The following TAFA2 variants were observed in gnomAD, a reference collection of about 807,000 sequenced individuals.
The protein encoded by TAFA2 is chemokine-like protein TAFA-2.
TAFA2 carries 7 observed loss-of-function variants against 18.8 expected under a neutral mutation model. That is an observed-to-expected ratio of 0.37 (90% CI 0.21 to 0.70). The LOEUF is 0.70. TAFA2 is among the 30% of genes least tolerant of loss of function. TAFA2 has a pLI of 0.53. For synonymous variants in TAFA2, 60 were observed against 54.2 expected (o/e 1.11, Z -0.47); for missense variants, 122 against 158.1 (o/e 0.77, Z 1.23).
At chr12:61,836,239 T>C (rs2061206) in intron 2 of TAFA2, among the ~76,000 whole-genome samples, 15,507 of 151,958 alleles carry the variant, frequency 0.1, 1,078 homozygotes, top group East Asian at 0.19. Context: ...TGTGAAATGC[T>C]TGAGTAAGAG....
At chr12:62,059,060 G>C (rs1161879108) in intron 1 of TAFA2, among the ~76,000 whole-genome samples, 3 of 151,690 alleles carry the variant, frequency 2.0e-5, no homozygotes, top group Non-Finnish European at 2.9e-5. Context: ...CCGAGATCAC[G>C]GCACTGCACT....
intron 2 of TAFA2, among the ~76,000 whole-genome samples, chr12:61,848,846 T>C (rs1592432208): frequency 6.6e-6 from 1 of 150,600 alleles, no homozygotes; most frequent in Admixed American, 6.6e-5. Context: ...TTATGGTAGG[T>C]ACTTTTTTTT....
chr12:61,894,737 TA>T, intron 1 of TAFA2, among the ~76,000 whole-genome samples: 1 of 152,338 alleles, frequency 6.6e-6, no homozygotes, highest in South Asian at 2.1e-4. Context: ...ATGGTTCTTG[TA>T]ATTTTCAACT....
chr12:62,224,162 C>T (rs2062776204), intron 1 of TAFA2, among the ~76,000 whole-genome samples: 1 of 151,808 alleles, frequency 6.6e-6, no homozygotes, highest in South Asian at 2.1e-4. Context: ...GAAATTCTGA[C>T]ACATGCTAAA....
chr12:62,141,549 TTTTGAC>T (rs1238270061), intron 1 of TAFA2, among the ~76,000 whole-genome samples: 20 of 152,208 alleles, frequency 1.3e-4, no homozygotes, highest in African/African-American at 4.6e-4. Context: ...TTGCCTGACA[TTTTGAC>T]TGCTATTTCA....
intron 1 of TAFA2, among the ~76,000 whole-genome samples, chr12:61,902,749 A>C (rs555026560): frequency 2.0e-4 from 31 of 152,272 alleles, no homozygotes; most frequent in African/African-American, 7.0e-4. Context: ...CCAAACCTGC[A>C]CATTCAATTG....
intron 4 of TAFA2, among the ~76,000 whole-genome samples, chr12:61,733,069 T>C (rs991834793): frequency 1.3e-5 from 2 of 152,004 alleles, no homozygotes; most frequent in Non-Finnish European, 2.9e-5. Flanking sequence ...AAGAAAGAAA[T>C]AGATAAAAAT....
intron 1 of TAFA2, among the ~76,000 whole-genome samples, chr12:61,929,590 G>A (rs148071428): frequency 0.08 from 12,029 of 149,808 alleles, 548 homozygotes; most frequent in East Asian, 0.22. Flanking sequence ...TGTGGAAGTC[G>A]ATGTGGCGAT....
chr12:62,019,120 A>G (rs943151374), intron 1 of TAFA2, among the ~76,000 whole-genome samples: 2 of 152,206 alleles, frequency 1.3e-5, no homozygotes, highest in Non-Finnish European at 2.9e-5. Context: ...CAAAACCACA[A>G]TGAGATACCA....
At chr12:61,785,042 G>T (rs1396999047) in intron 2 of TAFA2, among the ~76,000 whole-genome samples, 1 of 151,434 alleles carries the variant, frequency 6.6e-6, no homozygotes, top group Non-Finnish European at 1.5e-5. Flanking sequence ...CAATGCTGTA[G>T]AACATTAGAA....
intron 1 of TAFA2, among the ~76,000 whole-genome samples, chr12:62,100,138 TACACACACACAC>T (rs373455310): frequency 4.8e-5 from 7 of 145,672 alleles, no homozygotes; most frequent in South Asian, 2.2e-4. Flanking sequence ...CAACTCCCTC[TACACACACACAC>T]ACACACACAC....
At position 61,970,153 on chromosome 12, in the gene TAFA2, GTTAT is replaced by G. The variant is rs373187350; in HGVS notation, c.-1-102731_-1-102728del. ...TATATAAATTGAATAAAATATTCTT[GTTAT>G]TTATTCCTGACACTAAGAGCAAAAA... On this transcript the variant is annotated intron_variant, in intron 1 of 4. Transcript: ENST00000416284. 5.0e-4 allele frequency among the ~76,000 whole-genome samples: 75 copies of G among 151,442 alleles called. 1 individual carries two copies. The East Asian group carries it at 0.013, about 27-fold the overall frequency.
intron 2 of TAFA2, among the ~76,000 whole-genome samples, chr12:61,821,130 C>CACAT (rs1555168027): frequency 2.4e-5 from 1 of 41,694 alleles, no homozygotes; most frequent in African/African-American, 6.6e-5. Flanking sequence ...GATAGGGGTA[C>CACAT]ACACACACAC....
intron 2 of TAFA2, among the ~76,000 whole-genome samples, chr12:61,793,923 A>T (rs568670224): frequency 1.3e-5 from 2 of 151,974 alleles, no homozygotes; most frequent in Non-Finnish European, 2.9e-5. Context: ...TATTTGAAAA[A>T]TAAAGTAATA....
intron 1 of TAFA2, among the ~76,000 whole-genome samples, chr12:61,979,666 A>G (rs1565703699): frequency 6.6e-6 from 1 of 152,084 alleles, no homozygotes; most frequent in Non-Finnish European, 1.5e-5. Flanking sequence ...GAAATTAAGA[A>G]AAGAAATGAA....
chr12:61,823,191 G>T (rs1388700881), intron 2 of TAFA2, among the ~76,000 whole-genome samples: 2 of 150,702 alleles, frequency 1.3e-5, no homozygotes, highest in East Asian at 1.9e-4. Context: ...TCTTTTTTTT[G>T]AAATAGGGTC....
chr12:62,115,714 T>C (rs868055274), intron 1 of TAFA2, among the ~76,000 whole-genome samples: 1 of 152,168 alleles, frequency 6.6e-6, no homozygotes, highest in Non-Finnish European at 1.5e-5. Flanking sequence ...CTTACTTAAC[T>C]GCACAGGAAG....
chr12:62,187,542 T>C (rs891384877), intron 1 of TAFA2, among the ~76,000 whole-genome samples: 2 of 152,216 alleles, frequency 1.3e-5, no homozygotes, highest in Non-Finnish European at 2.9e-5. Context: ...GATACAGAGA[T>C]TATATTGTTA....
chr12:62,077,967 T>C (rs1868263140), intron 1 of TAFA2, among the ~76,000 whole-genome samples: 1 of 152,218 alleles, frequency 6.6e-6, no homozygotes, highest in Non-Finnish European at 1.5e-5. Context: ...TTGCTATATC[T>C]ACTCCCTATC....
Sources: gnomAD v4.1 joint callset for allele counts (sites outside exome capture counted in the v4.1 genomes callset) on GRCh38, gnomAD v4.1.1 for gene constraint, MANE v1.5 for transcripts, NCBI Gene and HGNC (gene_info 2026-07-23, HGNC 2026-07-21) for gene names.